Variants in RNF180 observed in about 807,000 individuals in gnomAD.
RNF180 encodes the protein ring finger protein 180.
In RNF180, 38 loss-of-function variants were observed where a neutral mutation model predicts 59.2. The ratio of observed to expected loss-of-function variants is 0.64; its 90% CI spans 0.50 to 0.84. The LOEUF (loss-of-function observed/expected upper bound fraction) is 0.84, where lower values mean the gene tolerates loss of function less well. Among genes scored for constraint, RNF180 ranks in the 40% least tolerant of loss-of-function variants. The pLI is 0.00. For missense variants in RNF180, 705 were observed against 700.9 expected, an observed-to-expected ratio of 1.01 and a Z score of -0.07; for synonymous variants, 262 against 240.3, an observed-to-expected ratio of 1.09 and a Z score of -0.84.
chr5:64,200,739 G>C, intron 1 of RNF180, 69 bp from the exon 2 acceptor site: 11 of 1,344,646 alleles, frequency 8.2e-6, no homozygotes, highest in Non-Finnish European at 1.1e-5. Flanking sequence ...CTAATGCCAT[G>C]TTAAGGATTT....
intron 5 of RNF180, among the ~76,000 whole-genome samples, chr5:64,233,999 G>A (rs1029444002): frequency 7.2e-5 from 11 of 152,320 alleles, no homozygotes; most frequent in Non-Finnish European, 1.5e-4. Flanking sequence ...ATATTGGAAA[G>A]AAAGTTAGAA....
At chr5:64,320,512 C>T (rs957571991) in intron 5 of RNF180, among the ~76,000 whole-genome samples, 1 of 152,164 alleles carries the variant, frequency 6.6e-6, no homozygotes, top group Non-Finnish European at 1.5e-5. Context: ...TGACATACTT[C>T]GTTCATTTAG....
intron 7 of RNF180, among the ~76,000 whole-genome samples, chr5:64,336,133 C>T (rs1745115458): frequency 6.6e-6 from 1 of 152,094 alleles, no homozygotes; most frequent in Non-Finnish European, 1.5e-5. Flanking sequence ...TCCCCATATC[C>T]TTCTTTCTAC....
At chr5:64,260,281 A>G (rs1255405954) in intron 5 of RNF180, among the ~76,000 whole-genome samples, 1 of 152,162 alleles carries the variant, frequency 6.6e-6, no homozygotes, top group Non-Finnish European at 1.5e-5. Context: ...CAGTAGCTAC[A>G]CAATATTTTA....
At chr5:64,274,410 A>G (rs74289658) in intron 5 of RNF180, among the ~76,000 whole-genome samples, 3,551 of 151,736 alleles carry the variant, frequency 0.023, 124 homozygotes, top group African/African-American at 0.075. Context: ...TTCTGGTTAT[A>G]TGTCTGCTTA....
At chr5:64,227,481 A>T (rs1283556650) in intron 5 of RNF180, among the ~76,000 whole-genome samples, 2 of 152,198 alleles carry the variant, frequency 1.3e-5, no homozygotes, top group African/African-American at 4.8e-5. Context: ...GCAGCCTCTT[A>T]GCCTCAGCTG....
intron 7 of RNF180, among the ~76,000 whole-genome samples, chr5:64,367,385 A>G: frequency 6.6e-6 from 1 of 151,728 alleles, no homozygotes; most frequent in East Asian, 1.9e-4. Context: ...ATTAAAATGT[A>G]CAAATATTGT....
intron 1 of RNF180, among the ~76,000 whole-genome samples, chr5:64,185,964 G>A (rs1056756635): frequency 1.3e-5 from 2 of 152,204 alleles, no homozygotes; most frequent in South Asian, 4.1e-4. Flanking sequence ...TGGGGAAGAT[G>A]GTGGGATAAG....
intron 5 of RNF180, among the ~76,000 whole-genome samples, chr5:64,237,622 C>A (rs1007264659): frequency 4.5e-4 from 69 of 152,108 alleles, no homozygotes; most frequent in African/African-American, 1.6e-3. Context: ...TTGGGAAGGG[C>A]CAGAGGCAGA....
At chr5:64,300,618 A>G (rs1342639564) in intron 5 of RNF180, among the ~76,000 whole-genome samples, 4 of 151,684 alleles carry the variant, frequency 2.6e-5, no homozygotes, top group East Asian at 1.9e-4. Context: ...GCGGGGGACT[A>G]CTATACATTG....
intron 7 of RNF180, among the ~76,000 whole-genome samples, chr5:64,337,789 G>C (rs898882415): frequency 6.6e-6 from 1 of 151,918 alleles, no homozygotes; most frequent in Non-Finnish European, 1.5e-5. Context: ...AGTTTACTGA[G>C]AATGATGATT....
chr5:64,332,859 A>G (rs189036461), intron 7 of RNF180, among the ~76,000 whole-genome samples: 142 of 152,300 alleles, frequency 9.3e-4, no homozygotes, highest in African/African-American at 3.4e-3. Context: ...CATAAGACCA[A>G]CAAAATCAGT....
intron 5 of RNF180, among the ~76,000 whole-genome samples, chr5:64,316,217 T>G (rs1744036450): frequency 6.6e-6 from 1 of 152,208 alleles, no homozygotes; most frequent in Non-Finnish European, 1.5e-5. Flanking sequence ...GCTTTTAGTA[T>G]TATTATGAGA....
At chr5:64,174,899 C>T (rs1226624377) in intron 1 of RNF180, among the ~76,000 whole-genome samples, 1 of 150,118 alleles carries the variant, frequency 6.7e-6, no homozygotes, top group East Asian at 2.0e-4. Flanking sequence ...GCATTTCCCT[C>T]ATGTTTTCTT....
chr5:64,213,464 A>G (rs918355067), intron 3 of RNF180, 94 bp from the exon 4 acceptor site: 3 of 1,139,698 alleles, frequency 2.6e-6, no homozygotes, highest in Middle Eastern at 2.5e-4. Context: ...GTGGCATAGA[A>G]AACTTTCATG....
intron 1 of RNF180, among the ~76,000 whole-genome samples, chr5:64,175,037 G>A (rs536962049): frequency 7.8e-4 from 106 of 136,306 alleles, no homozygotes; most frequent in African/African-American, 2.9e-3. Flanking sequence ...GTGCAATCTC[G>A]GCTCACTGCA....
At chr5:64,230,022 T>C (rs888500403) in intron 5 of RNF180, among the ~76,000 whole-genome samples, 6 of 152,212 alleles carry the variant, frequency 3.9e-5, no homozygotes, top group African/African-American at 9.7e-5. Context: ...TATTTTTGCA[T>C]TGTACATTAA....
intron 5 of RNF180, among the ~76,000 whole-genome samples, chr5:64,259,878 G>A (rs1241716017): frequency 2.0e-5 from 3 of 152,004 alleles, no homozygotes; most frequent in African/African-American, 4.8e-5. Context: ...CCAAGATCAC[G>A]CCATTGAACT....
intron 7 of RNF180, among the ~76,000 whole-genome samples, chr5:64,361,712 C>A (rs1425453760): frequency 6.6e-6 from 1 of 151,518 alleles, no homozygotes; most frequent in Non-Finnish European, 1.5e-5. Context: ...AACAGCTTAT[C>A]ACAAAGAATA....
Sources: gnomAD v4.1 joint callset for allele counts (sites outside exome capture counted in the v4.1 genomes callset) on GRCh38, gnomAD v4.1.1 for gene constraint, MANE v1.5 for transcripts, NCBI Gene and HGNC (gene_info 2026-07-23, HGNC 2026-07-21) for gene names.